Variants in LY75 observed in about 807,000 individuals in gnomAD.
LY75 encodes lymphocyte antigen 75.
Under a neutral mutation model 231.7 loss-of-function variants are expected in LY75, and 185 were observed. That is an observed-to-expected ratio of 0.80 (90% CI 0.71 to 0.90). LY75 has a LOEUF of 0.90. Among genes scored for constraint, LY75 ranks in the 40% least tolerant of loss-of-function variants. The pLI is 0.00. For missense variants in LY75, 1,947 were observed against 2,050.2 expected (o/e 0.95, Z 0.97); for synonymous variants, 668 against 689.0 (o/e 0.97, Z 0.48).
chr2:159,864,650 G>A lies in LY75; in HGVS notation c.2199+189C>T, dbSNP rs185745208. 1.6e-4 allele frequency among the ~76,000 whole-genome samples: 25 copies of A among 152,124 alleles called. No individual in the cohort carries two copies. In the East Asian group the frequency reaches 4.4e-3, roughly 27 times the overall value. ...CTGTTTTGGTTACTATAGCTTTGAG[G>A]TGTATCTTCAAGCTCAGGTAGTGTG... is the stretch of plus-strand genomic sequence containing the variant. On this transcript the variant is annotated intron_variant, in intron 14 of 34. Coordinates refer to ENST00000263636, the MANE Select transcript of LY75 (RefSeq NM_002349.4).
intron 26 of LY75, among the ~76,000 whole-genome samples, chr2:159,834,512 C>T (rs547190403): frequency 1.2e-4 from 18 of 152,224 alleles, no homozygotes; most frequent in Admixed American, 1.2e-3. Flanking sequence ...TACAAGGGAC[C>T]ACCCCTAGAG....
intron 1 of LY75, among the ~76,000 whole-genome samples, chr2:159,901,030 G>A (rs868423180): frequency 1.3e-5 from 2 of 152,088 alleles, no homozygotes; most frequent in African/African-American, 4.8e-5. Flanking sequence ...GTAGAGATGG[G>A]GTTTCACCAT....
intron 28 of LY75, among the ~76,000 whole-genome samples, chr2:159,823,798 C>A (rs575190377): frequency 6.6e-6 from 1 of 152,184 alleles, no homozygotes; most frequent in Non-Finnish European, 1.5e-5. Context: ...CAATATTCAA[C>A]ATTCCTAAAG....
chr2:159,886,621 C>A, intron 4 of LY75, 91 bp from the exon 5 acceptor site: 1 of 1,295,386 alleles, frequency 7.7e-7, no homozygotes. Context: ...AACAAATCTG[C>A]AGACCTTGAT....
At chr2:159,837,130 C>A (rs928215233) in intron 25 of LY75, among the ~76,000 whole-genome samples, 1 of 152,116 alleles carries the variant, frequency 6.6e-6, no homozygotes, top group Non-Finnish European at 1.5e-5. Flanking sequence ...CCCAGCAATC[C>A]CATTACTGGG....
chr2:159,869,349 T>G (rs1268332279), intron 13 of LY75, among the ~76,000 whole-genome samples: 3 of 150,554 alleles, frequency 2.0e-5, no homozygotes, highest in Non-Finnish European at 4.4e-5. Context: ...GTGGCCACCA[T>G]GAGGACTTCC....
At chr2:159,874,266 T>TATATGTTTTGTAA (rs1194970617) in intron 12 of LY75, among the ~76,000 whole-genome samples, 10 of 129,844 alleles carry the variant, frequency 7.7e-5, no homozygotes, top group African/African-American at 1.8e-4. Flanking sequence ...ATATTGTAAA[T>TATATGTTTTGTAA]ATATATAAAT....
At chr2:159,808,686 A>G in intron 32 of LY75, 115 bp from the exon 33 acceptor site, 1 of 1,382,970 alleles carries the variant, frequency 7.2e-7, no homozygotes, top group East Asian at 2.6e-5. Flanking sequence ...GATAAATTCA[A>G]GCCTTACACA....
chr2:159,809,425 A>C (rs2729722), intron 32 of LY75, among the ~76,000 whole-genome samples: 12,874 of 152,190 alleles, frequency 0.085, 894 homozygotes, highest in East Asian at 0.22. Flanking sequence ...CGGATGGACA[A>C]CCATACTACT....
intron 7 of LY75, among the ~76,000 whole-genome samples, chr2:159,881,692 G>A (rs140629997): frequency 1.4e-4 from 21 of 152,158 alleles, no homozygotes; most frequent in East Asian, 3.9e-4. Flanking sequence ...AATACTGTCC[G>A]TCTAGTATAT....
intron 23 of LY75, among the ~76,000 whole-genome samples, 196 bp downstream of exon 23, chr2:159,849,784 T>G (rs1684326402): frequency 6.6e-6 from 1 of 152,112 alleles, no homozygotes; most frequent in Non-Finnish European, 1.5e-5. Flanking sequence ...TCCATACTCT[T>G]TAGGCACTAT....
At chr2:159,843,809 T>A (rs1684115098) in intron 23 of LY75, among the ~76,000 whole-genome samples, 1 of 152,158 alleles carries the variant, frequency 6.6e-6, no homozygotes, top group Non-Finnish European at 1.5e-5. Flanking sequence ...TTGAATGTTA[T>A]CTTTACAAAG....
rs375551726 is a variant in LY75 at position 159,821,733 on chromosome 2, G to A, written c.3959-1813C>T. ...AATGACAAAAGAAAAACACTTTTGT[G>A]ATGGATTGCTGGCAAGATGGCCAAA... On this transcript the variant is annotated intron_variant, in intron 28 of 34. Transcript: ENST00000263636. 2.0e-5 allele frequency among the ~76,000 whole-genome samples: 3 copies of A among 152,230 alleles called. No individual in the cohort carries two copies. In the South Asian group the frequency reaches 6.2e-4, roughly 32 times the overall value.
chr2:159,820,533 A>G (rs1305163917), intron 28 of LY75, among the ~76,000 whole-genome samples: 1 of 152,078 alleles, frequency 6.6e-6, no homozygotes, highest in African/African-American at 2.4e-5. Flanking sequence ...ACTCGGGGGG[A>G]AGAGTGGGAG....
At chr2:159,857,282 A>C (rs1013114351) in intron 16 of LY75, among the ~76,000 whole-genome samples, 2 of 152,184 alleles carry the variant, frequency 1.3e-5, no homozygotes, top group African/African-American at 4.8e-5. Flanking sequence ...TAGGAATAAC[A>C]ATCTTCTAAT....
At chr2:159,899,152 C>T in intron 1 of LY75, 93 bp from the exon 2 acceptor site, 1 of 1,523,226 alleles carries the variant, frequency 6.6e-7, no homozygotes, top group Non-Finnish European at 8.8e-7. Flanking sequence ...CTGGACTGTT[C>T]CCATCCTCAG....
At chr2:159,830,506 A>G (rs897258697) in intron 28 of LY75, among the ~76,000 whole-genome samples, 1 of 151,750 alleles carries the variant, frequency 6.6e-6, no homozygotes, top group Non-Finnish European at 1.5e-5. Context: ...TTTGTTATCA[A>G]TCATATTTTG....
At chr2:159,859,443 T>TTA (rs1684635225) in intron 15 of LY75, among the ~76,000 whole-genome samples, 1 of 152,214 alleles carries the variant, frequency 6.6e-6, no homozygotes, top group Non-Finnish European at 1.5e-5. Context: ...TTTTTCACTC[T>TTA]ATATATTGGC....
At chr2:159,852,124 G>A in intron 21 of LY75, 77 bp downstream of exon 21, 1 of 1,548,410 alleles carries the variant, frequency 6.5e-7, no homozygotes, top group African/African-American at 1.4e-5. Flanking sequence ...GTCACTAATG[G>A]GTTGCCATTC....
Sources: gnomAD v4.1 joint callset for allele counts (sites outside exome capture counted in the v4.1 genomes callset) on GRCh38, gnomAD v4.1.1 for gene constraint, MANE v1.5 for transcripts, NCBI Gene and HGNC (gene_info 2026-07-23, HGNC 2026-07-21) for gene names.